MPP7: variants seen among roughly 807,000 people sequenced by gnomAD.
MPP7 encodes MAGUK p55 subfamily member 7.
In MPP7, 60 loss-of-function variants were observed where a neutral mutation model predicts 76.5. That is an observed-to-expected ratio of 0.78 (90% CI 0.64 to 0.97). The LOEUF is 0.97. Among genes scored for constraint, MPP7 ranks in the 50% least tolerant of loss-of-function variants. MPP7 has a pLI of 0.00. For missense variants in MPP7, 641 were observed against 694.0 expected, an observed-to-expected ratio of 0.92 and a Z score of 0.86; for synonymous variants, 237 against 244.5, an observed-to-expected ratio of 0.97 and a Z score of 0.29.
chr10:28,152,415 T>A (rs1835913602), intron 3 of MPP7, among the ~76,000 whole-genome samples: 1 of 152,218 alleles, frequency 6.6e-6, no homozygotes, highest in Non-Finnish European at 1.5e-5. Context: ...CCAAAAATAT[T>A]GACAGAAATT....
At chr10:28,202,435 CTT>C (rs1303798562) in intron 2 of MPP7, among the ~76,000 whole-genome samples, 164 bp from the exon 3 acceptor site, 1 of 152,156 alleles carries the variant, frequency 6.6e-6, no homozygotes, top group African/African-American at 2.4e-5. Flanking sequence ...AATTTTCTGG[CTT>C]TTAAATTCCA....
chr10:28,139,346 A>G (rs1197246051), intron 5 of MPP7, among the ~76,000 whole-genome samples: 1 of 152,210 alleles, frequency 6.6e-6, no homozygotes, highest in Non-Finnish European at 1.5e-5. Context: ...CAGCGGACAT[A>G]GTTGTCAGCT....
chr10:28,169,310 A>G (rs2477344), intron 3 of MPP7, among the ~76,000 whole-genome samples: 121,291 of 151,678 alleles, frequency 0.8, 48,873 homozygotes, highest in Middle Eastern at 0.85. Context: ...GAGCAACACA[A>G]CAAGACCCTG....
chr10:28,134,038 A>ATATATATATGATGTTATTTAAG (rs1588829528), intron 5 of MPP7, among the ~76,000 whole-genome samples: 1 of 152,062 alleles, frequency 6.6e-6, no homozygotes, highest in East Asian at 1.9e-4. Context: ...CTTTTGATGC[A>ATATATATATGATGTTATTTAAG]TATATATATG....
intron 5 of MPP7, among the ~76,000 whole-genome samples, chr10:28,146,153 C>T (rs764573549): frequency 7.2e-5 from 11 of 152,172 alleles, no homozygotes; most frequent in African/African-American, 2.7e-4. Flanking sequence ...ATCTTCAGAA[C>T]GTTCTGTGGC....
At chr10:28,092,576 C>A (rs941251647) in intron 11 of MPP7, among the ~76,000 whole-genome samples, 8 of 101,614 alleles carry the variant, frequency 7.9e-5, no homozygotes, top group African/African-American at 1.8e-4. Flanking sequence ...AGAAAAGGGA[C>A]CTTTTTTTTT....
chr10:28,068,565 T>C (rs956471809), intron 13 of MPP7, among the ~76,000 whole-genome samples: 11 of 152,164 alleles, frequency 7.2e-5, no homozygotes, highest in African/African-American at 2.7e-4. Flanking sequence ...TTTGTAAGAA[T>C]GCCTATGAAA....
At chr10:28,223,682 AAT>A in intron 2 of MPP7, among the ~76,000 whole-genome samples, 1 of 152,232 alleles carries the variant, frequency 6.6e-6, no homozygotes, top group Middle Eastern at 3.4e-3. Context: ...AGTAATCAAA[AAT>A]AGTAATGCAA....
At chr10:28,116,344 GA>G (rs1237705647) in intron 11 of MPP7, among the ~76,000 whole-genome samples, 43 of 152,168 alleles carry the variant, frequency 2.8e-4, no homozygotes, top group African/African-American at 9.6e-4. Context: ...GTTTTAGGCA[GA>G]AAATTAGAAT....
intron 1 of MPP7, among the ~76,000 whole-genome samples, chr10:28,287,261 A>G (rs911717559): frequency 3.3e-5 from 5 of 152,174 alleles, no homozygotes; most frequent in African/African-American, 7.2e-5. Flanking sequence ...AGCTTTCCCA[A>G]TATGCAGACG....
intron 1 of MPP7, among the ~76,000 whole-genome samples, chr10:28,268,415 T>G (rs182796020): frequency 1.4e-4 from 22 of 152,130 alleles, no homozygotes; most frequent in Non-Finnish European, 2.9e-4. Context: ...ATTTTTACAT[T>G]TTTAAAAACC....
chr10:28,298,265 T>C (rs972535529), intron 1 of MPP7, among the ~76,000 whole-genome samples: 5 of 152,230 alleles, frequency 3.3e-5, no homozygotes, highest in Admixed American at 2.6e-4. Context: ...TCACTATCTA[T>C]GGCAGCTATA....
chr10:28,317,255 C>T (rs567912475), intron 2 of MPP7, among the ~76,000 whole-genome samples: 2 of 152,280 alleles, frequency 1.3e-5, no homozygotes, highest in African/African-American at 4.8e-5. Flanking sequence ...TGGCTGGACA[C>T]AGTGGCTCAC....
chr10:28,273,197 C>G (rs778905625), intron 1 of MPP7, among the ~76,000 whole-genome samples: 12 of 152,164 alleles, frequency 7.9e-5, no homozygotes, highest in Non-Finnish European at 1.6e-4. Flanking sequence ...GGATTACAGG[C>G]GTGAGCCACC....
At chr10:28,266,779 T>C (rs1031896743) in intron 1 of MPP7, among the ~76,000 whole-genome samples, 3 of 152,232 alleles carry the variant, frequency 2.0e-5, no homozygotes, top group South Asian at 4.1e-4. Context: ...CATGTTATAA[T>C]TGTTAGCTTG....
intron 11 of MPP7, among the ~76,000 whole-genome samples, chr10:28,106,131 G>A (rs1278509283): frequency 6.6e-6 from 1 of 152,184 alleles, no homozygotes; most frequent in Non-Finnish European, 1.5e-5. Flanking sequence ...TGGGATATCT[G>A]TATGCTTAAC....
chr10:28,196,854 T>A (rs971565831), intron 3 of MPP7, among the ~76,000 whole-genome samples: 6 of 152,176 alleles, frequency 3.9e-5, no homozygotes, highest in African/African-American at 1.4e-4. Flanking sequence ...TCCCATCCAG[T>A]CTTCACTGTT....
At chr10:28,142,023 TAC>T (rs1835537011) in intron 5 of MPP7, among the ~76,000 whole-genome samples, 4 of 152,114 alleles carry the variant, frequency 2.6e-5, no homozygotes, top group Admixed American at 6.5e-5. Flanking sequence ...CAAATTTTCA[TAC>T]AGAGTGATAA....
rs557315451 is a variant in MPP7, at chr10:28,325,135, C to T, written c.-132+4794G>A. Reference sequence around the variant, plus strand: ...TCTTGAACTCCTGAGCTCAAGTGATCCTCCTGCCTTGGCCTCCTAAAGTTC... The same window carrying T: ...TCTTGAACTCCTGAGCTCAAGTGATTCTCCTGCCTTGGCCTCCTAAAGTTC... On this transcript the variant is annotated intron_variant, in intron 2 of 11. Coordinates refer to the MPP7 transcript ENST00000441595. 1.6e-4 allele frequency among the ~76,000 whole-genome samples: 24 copies of T among 152,304 alleles called. No individual in the cohort carries two copies. The South Asian group carries it at 5.0e-3, about 32-fold the overall frequency.
Sources: allele counts gnomAD v4.1 joint callset (sites outside exome capture counted in the v4.1 genomes callset), GRCh38; gene constraint gnomAD v4.1.1; transcripts MANE v1.5; gene names NCBI Gene and HGNC (gene_info 2026-07-23, HGNC 2026-07-21).